The following NDUFA10 variants were observed in gnomAD, a reference collection of about 807,000 sequenced individuals.
NDUFA10 encodes NADH:ubiquinone oxidoreductase subunit A10.
NDUFA10 carries 40 observed loss-of-function variants against 47.8 expected under a neutral mutation model. That is an observed-to-expected ratio of 0.84 (90% CI 0.65 to 1.09). The LOEUF (loss-of-function observed/expected upper bound fraction) is 1.09. Among genes scored for constraint, NDUFA10 ranks in the 50% least tolerant of loss-of-function variants. The pLI is 0.00. For missense variants in NDUFA10, 413 were observed against 451.1 expected, an observed-to-expected ratio of 0.92 and a Z score of 0.76; for synonymous variants, 183 against 172.2, an observed-to-expected ratio of 1.06 and a Z score of -0.49.
intron 8 of NDUFA10, among the ~76,000 whole-genome samples, chr2:239,990,490 T>A (rs188716367): frequency 6.6e-6 from 1 of 152,312 alleles, no homozygotes. Context: ...AGGCAAAGTG[T>A]GCTTTAAACA....
chr2:240,004,297 G>A (rs1296952588), intron 8 of NDUFA10, among the ~76,000 whole-genome samples: 1 of 152,160 alleles, frequency 6.6e-6, no homozygotes, highest in Admixed American at 6.5e-5. Flanking sequence ...TCAATAGAGT[G>A]GTGCAGATGA....
At chr2:239,951,330 G>A (rs1694548327) in intron 4 of NDUFA10, among the ~76,000 whole-genome samples, 1 of 152,238 alleles carries the variant, frequency 6.6e-6, no homozygotes, top group Non-Finnish European at 1.5e-5. Flanking sequence ...CCACCCGTGG[G>A]TTACAGAGGA....
chr2:239,954,784 C>T (rs1001465225), downstream of NDUFA10, among the ~76,000 whole-genome samples: 2 of 147,404 alleles, frequency 1.4e-5, no homozygotes, highest in East Asian at 2.0e-4. Context: ...GGATAGAGCC[C>T]GACCAATACC....
chr2:240,002,817 T>A (rs534067433), intron 8 of NDUFA10, among the ~76,000 whole-genome samples: 8 of 152,214 alleles, frequency 5.3e-5, no homozygotes, highest in Admixed American at 5.2e-4. Context: ...GTAAACCTAT[T>A]TTTTGCTTAT....
At chr2:239,915,595 CACAT>C (rs1221627888) in intron 4 of NDUFA10, among the ~76,000 whole-genome samples, 1 of 145,968 alleles carries the variant, frequency 6.9e-6, no homozygotes, top group East Asian at 2.0e-4. Flanking sequence ...CACAGAGATA[CACAT>C]ACACACACAC....
intron 4 of NDUFA10, among the ~76,000 whole-genome samples, chr2:239,939,220 C>T (rs1309513996): frequency 2.0e-5 from 3 of 152,236 alleles, no homozygotes; most frequent in Admixed American, 6.5e-5. Context: ...GGGGGTCTGT[C>T]GGGTTCCTGC....
intron 5 of NDUFA10, among the ~76,000 whole-genome samples, chr2:239,892,886 G>A (rs1574756851): frequency 1.3e-5 from 2 of 152,232 alleles, no homozygotes; most frequent in East Asian, 3.9e-4. Flanking sequence ...CAAATGTGTA[G>A]GCAGGGGGGC....
intron 9 of NDUFA10, chr2:239,983,538 T>C: frequency 6.2e-7 from 1 of 1,602,762 alleles, no homozygotes; most frequent in Non-Finnish European, 8.5e-7. Flanking sequence ...ACATAAAGGC[T>C]GTGGTGTGCA....
At chr2:239,941,522 T>TG (rs1394353862) in intron 4 of NDUFA10, among the ~76,000 whole-genome samples, 3 of 152,066 alleles carry the variant, frequency 2.0e-5, no homozygotes, top group Non-Finnish European at 2.9e-5. Flanking sequence ...GGTCGGGAGT[T>TG]GGAGACCAGA....
Position 239,898,125 on chromosome 2 carries a change from C to G in NDUFA10, c.295-2811G>C, listed in dbSNP as rs1693433765. Among the ~76,000 whole-genome samples the G allele has an allele frequency of 3.3e-5, 5 of 152,174 alleles. No individual in the cohort carries two copies. In the South Asian group the frequency reaches 1.0e-3, roughly 32 times the overall value. On this transcript the variant is annotated intron_variant, in intron 4 of 5. Coordinates refer to the NDUFA10 transcript ENST00000419408. Reference sequence around the variant, plus strand: ...TGGAGCAAGGACTGTTCAGAACCACCCAGGGCCCAGCTCACAAATGGAGTC... The same window carrying G: ...TGGAGCAAGGACTGTTCAGAACCACGCAGGGCCCAGCTCACAAATGGAGTC...
chr2:239,909,241 G>T (rs1472267755), intron 4 of NDUFA10, among the ~76,000 whole-genome samples: 1 of 152,114 alleles, frequency 6.6e-6, no homozygotes, highest in Non-Finnish European at 1.5e-5. Flanking sequence ...ACTGAAACTG[G>T]ACCCCTTCCT....
At chr2:240,018,107 A>G (rs1264569973) in intron 4 of NDUFA10, among the ~76,000 whole-genome samples, 3 of 152,166 alleles carry the variant, frequency 2.0e-5, no homozygotes, top group African/African-American at 7.2e-5. Flanking sequence ...TGTCCTGAAA[A>G]ACGGCAGCGT....
rs1468334863 is a variant in NDUFA10, at chr2:239,987,926, T to C, written c.999+2148A>G. Among the ~76,000 whole-genome samples, 2 of 151,810 alleles carry C rather than the reference T, an allele frequency of 1.3e-5. No individual in the cohort carries two copies. Among genetic ancestry groups the C allele is most frequent in the African/African-American group, 4.8e-5 (2 of 41,288 alleles). Reference sequence around the variant, plus strand: ...ATAAATATTTTAATTATCAGTTTAGTAACAAAAAGCTATTAAAAGAATGAT... The same window carrying C: ...ATAAATATTTTAATTATCAGTTTAGCAACAAAAAGCTATTAAAAGAATGAT... On this transcript the variant is annotated intron_variant, in intron 9 of 9. Coordinates refer to ENST00000252711, the MANE Select transcript of NDUFA10 (RefSeq NM_004544.4). The surrounding 1 kb of genome is among the most constrained non-coding windows in gnomAD (Gnocchi z 4.8).
At chr2:239,941,619 A>G (rs1376151949) in intron 4 of NDUFA10, among the ~76,000 whole-genome samples, 1 of 152,010 alleles carries the variant, frequency 6.6e-6, no homozygotes, top group Non-Finnish European at 1.5e-5. Flanking sequence ...CCAGCTTCTC[A>G]GGAGGCTGAG....
intron 4 of NDUFA10, among the ~76,000 whole-genome samples, chr2:239,920,279 T>C (rs1693946459): frequency 6.6e-6 from 1 of 152,246 alleles, no homozygotes; most frequent in African/African-American, 2.4e-5. Flanking sequence ...ACTGCCATCC[T>C]GCAGAGCTGA....
intron 4 of NDUFA10, among the ~76,000 whole-genome samples, chr2:239,907,481 T>G (rs2106468881): frequency 6.6e-6 from 1 of 152,198 alleles, no homozygotes; most frequent in African/African-American, 2.4e-5. Context: ...TGGGAGAAAG[T>G]TTTTATGATC....
chr2:240,025,094 G>A (rs1271974067), intron 1 of NDUFA10, 133 bp downstream of exon 1: 2 of 867,760 alleles, frequency 2.3e-6, no homozygotes, highest in Non-Finnish European at 3.3e-6. Flanking sequence ...GAGGCAGGAG[G>A]GGTCCCCCAA....
intron 4 of NDUFA10, among the ~76,000 whole-genome samples, chr2:239,912,896 C>T (rs1693779590): frequency 6.6e-6 from 1 of 152,236 alleles, no homozygotes; most frequent in African/African-American, 2.4e-5. Flanking sequence ...CCCTGATCTT[C>T]CGATTCCCGA....
chr2:239,983,601 C>A, intron 9 of NDUFA10: 11 of 1,592,140 alleles, frequency 6.9e-6, no homozygotes, highest in Non-Finnish European at 8.5e-6. Context: ...CCAGCAAGCA[C>A]GACCTCAGCC....
Sources: gnomAD v4.1 joint callset for allele counts (sites outside exome capture counted in the v4.1 genomes callset) on GRCh38, gnomAD v4.1.1 for gene constraint, Gnocchi (gnomAD v3.1) non-coding constraint, MANE v1.5 for transcripts, NCBI Gene and HGNC (gene_info 2026-07-23, HGNC 2026-07-21) for gene names.